The following VAV2 variants were observed in gnomAD, a reference collection of about 807,000 sequenced individuals.
The protein encoded by VAV2 is vav guanine nucleotide exchange factor 2, also known as guanine nucleotide exchange factor VAV2.
In VAV2, 67 loss-of-function variants were observed where a neutral mutation model predicts 132.5. That is an observed-to-expected ratio of 0.51 (90% CI 0.42 to 0.62). VAV2 has a LOEUF of 0.62. Ranked by LOEUF, VAV2 falls within the 20% of genes least tolerant of loss-of-function variation. The pLI, the probability that VAV2 is intolerant of heterozygous loss-of-function variation, is 0.00. For missense variants in VAV2, 938 were observed against 1,153.6 expected (o/e 0.81, Z 2.71); for synonymous variants, 492 against 443.5 (o/e 1.11, Z -1.37).
chr9:133,787,416 G>A (rs1834272044), intron 15 of VAV2, among the ~76,000 whole-genome samples, 156 bp from the exon 16 acceptor site: 1 of 152,202 alleles, frequency 6.6e-6, no homozygotes, highest in African/African-American at 2.4e-5. Context: ...GTGGGGAAAG[G>A]AATTTCTTCC....
At chr9:133,878,521 C>T (rs1838357254) in intron 2 of VAV2, among the ~76,000 whole-genome samples, 2 of 152,166 alleles carry the variant, frequency 1.3e-5, no homozygotes, top group African/African-American at 4.8e-5. Context: ...AACACACTGC[C>T]CACGGCTGCC....
intron 2 of VAV2, among the ~76,000 whole-genome samples, chr9:133,930,508 C>T (rs1366001193): frequency 2.6e-5 from 4 of 152,200 alleles, no homozygotes; most frequent in Non-Finnish European, 5.9e-5. Flanking sequence ...GTCTTCCGTG[C>T]GCCTTCCATA....
chr9:133,791,668 C>T, intron 13 of VAV2, 115 bp downstream of exon 13: 1 of 898,606 alleles, frequency 1.1e-6, no homozygotes, highest in Non-Finnish European at 1.8e-6. Context: ...AGCCTCTCAA[C>T]AGGCAGCCAT....
rs552411790 is a variant in VAV2, at chr9:133,780,007, C to T, written c.1741-68G>A. 1.9e-4 allele frequency: 310 copies of T among 1,598,632 alleles called. 1 individual carries two copies. The highest frequency in any genetic ancestry group is 3.3e-4 in the Middle Eastern group (2 of 6,044). On this transcript the variant is annotated intron_variant, in intron 20 of 29. Transcript: ENST00000371850. ...TCTTTGACTGTGGCCCATGCATCAA[C>T]GCACCCCGCCCTCCCTGTCCCCACT... is the stretch of plus-strand genomic sequence containing the variant.
In VAV2 at chr9:133,806,188, T is replaced by C. The variant is rs369277520; in HGVS notation, c.736-7A>G. On this transcript the variant is annotated splice_region_variant and splice_polypyrimidine_tract_variant and intron_variant, in intron 8 of 29. Coordinates refer to ENST00000371850, the MANE Select transcript of VAV2 (RefSeq NM_001134398.2). ...GATGCACCTTGATCAGGTCCTGGGT[T>C]GAAAACCAGCCGTGAGTGCCTGGCC... is the stretch of plus-strand genomic sequence containing the variant. The C allele has an allele frequency of 2.5e-6, 4 of 1,609,802 alleles. No individual in the cohort carries two copies. The highest frequency in any genetic ancestry group is 3.4e-6 in the Non-Finnish European group (4 of 1,178,866).
chr9:133,810,965 A>C (rs1254152074), intron 5 of VAV2, among the ~76,000 whole-genome samples: 1 of 152,202 alleles, frequency 6.6e-6, no homozygotes, highest in Non-Finnish European at 1.5e-5. Context: ...TCCCAAGTCC[A>C]GACGGCTCGC....
At chr9:133,949,803 T>C (rs890003192) in intron 1 of VAV2, among the ~76,000 whole-genome samples, 2 of 152,192 alleles carry the variant, frequency 1.3e-5, no homozygotes, top group Admixed American at 6.5e-5. Flanking sequence ...CAAAAAGGGA[T>C]GGGGCAAGGT....
rs1204099116 is a variant in VAV2, at chr9:133,969,962, C to A, written c.204+22113G>T. Among the ~76,000 whole-genome samples, 1 of 152,080 alleles carries A rather than the reference C, an allele frequency of 6.6e-6. No individual in the cohort carries two copies. The highest frequency in any genetic ancestry group is 1.5e-5 in the Non-Finnish European group (1 of 67,984). ...CACACCCAGGATGAAGCCGGCCCTG[C>A]CTCCCTGCAGCCTTCAAGGCAGTGA... On this transcript the variant is annotated intron_variant, in intron 1 of 29. Coordinates refer to ENST00000371850, the MANE Select transcript of VAV2 (RefSeq NM_001134398.2). The surrounding 1 kb of genome is among the most constrained non-coding windows in gnomAD (Gnocchi z 5.1).
chr9:133,897,219 G>A (rs995915203), intron 2 of VAV2, among the ~76,000 whole-genome samples: 8 of 152,194 alleles, frequency 5.3e-5, no homozygotes, highest in African/African-American at 1.9e-4. Context: ...TGACACTCGG[G>A]AAGAAAGCCG....
At chr9:133,793,928 T>A (rs1443674163) in intron 12 of VAV2, among the ~76,000 whole-genome samples, 1 of 152,064 alleles carries the variant, frequency 6.6e-6, no homozygotes, top group Non-Finnish European at 1.5e-5. Context: ...ATCAAAAGAC[T>A]TCTAAAATCC....
intron 4 of VAV2, among the ~76,000 whole-genome samples, chr9:133,829,801 C>T (rs1479542501): frequency 1.3e-5 from 2 of 152,142 alleles, no homozygotes; most frequent in Non-Finnish European, 2.9e-5. Context: ...CTATAAAATA[C>T]ATTCTTATGA....
In VAV2 at chr9:133,809,079, G is replaced by A. The variant is rs748438386; in HGVS notation, c.627C>T (p.Thr209=). The change falls in exon 7 of 30, where the codon ACC becomes ACT. Residue 209 remains threonine (T), a synonymous_variant. Coordinates refer to ENST00000371850, the MANE Select transcript of VAV2 (RefSeq NM_001134398.2). ...RNCCLLEIQE[T]EAKYYRTLED... is the part of the protein sequence containing the mutation. ...CCAGGGTGCGGTAGTACTTGGCCTC[G>A]GTCTCCTGGATCTCCAGCAGGCAGC... The A allele has an allele frequency of 9.3e-6, 15 of 1,613,814 alleles. No homozygotes were observed. Among genetic ancestry groups the A allele is most frequent in the Middle Eastern group, 1.6e-4 (1 of 6,080 alleles).
chr9:133,911,092 C>T (rs968065628), intron 2 of VAV2, among the ~76,000 whole-genome samples: 9 of 152,180 alleles, frequency 5.9e-5, no homozygotes, highest in Non-Finnish European at 1.0e-4. Flanking sequence ...CACGCCCCTT[C>T]TTGGGAGCAC....
At chr9:133,927,698 C>G (rs1328292875) in intron 2 of VAV2, 4 of 152,426 alleles carry the variant, frequency 2.6e-5, no homozygotes, top group Non-Finnish European at 5.9e-5. Flanking sequence ...TCCTTCACCC[C>G]TCAGCCTTCT....
intron 2 of VAV2, among the ~76,000 whole-genome samples, chr9:133,874,974 A>G (rs368388817): frequency 3.9e-5 from 6 of 152,166 alleles, no homozygotes; most frequent in African/African-American, 1.4e-4. Context: ...GGGTCTAGAA[A>G]TGGGTGCGTC....
rs535407951 is a variant in VAV2, at chr9:133,900,505, A to G, written c.321+38598T>C. Among the ~76,000 whole-genome samples, 10 of 149,670 alleles carry G rather than the reference A, an allele frequency of 6.7e-5. No individual in the cohort carries two copies. The South Asian group carries it at 2.2e-3, about 32-fold the overall frequency. Reference sequence around the variant, plus strand: ...TCTGTATAAAAACTGGCCATAAAGAAATTCCCTGACCTACCTTGTTTGACT... The same window carrying G: ...TCTGTATAAAAACTGGCCATAAAGAGATTCCCTGACCTACCTTGTTTGACT... On this transcript the variant is annotated intron_variant, in intron 2 of 29. Coordinates refer to ENST00000371850, the MANE Select transcript of VAV2 (RefSeq NM_001134398.2).
At chr9:133,953,653 G>A (rs1482315203) in intron 1 of VAV2, among the ~76,000 whole-genome samples, 1 of 152,172 alleles carries the variant, frequency 6.6e-6, no homozygotes, top group Non-Finnish European at 1.5e-5. Flanking sequence ...TGACCACCAT[G>A]GGGCCCAGCT....
intron 27 of VAV2, among the ~76,000 whole-genome samples, chr9:133,770,005 G>A (rs192765371): frequency 6.6e-6 from 1 of 152,226 alleles, no homozygotes; most frequent in East Asian, 1.9e-4. Flanking sequence ...GCCTCTCACA[G>A]AGGAGGCCCA....
intron 7 of VAV2, among the ~76,000 whole-genome samples, chr9:133,808,032 G>A (rs1268051398): frequency 6.7e-6 from 1 of 149,780 alleles, no homozygotes; most frequent in Non-Finnish European, 1.5e-5. Context: ...CATCGCCCAA[G>A]CAAACACGCC....
Sources: allele counts gnomAD v4.1 joint callset (sites outside exome capture counted in the v4.1 genomes callset), GRCh38; gene constraint gnomAD v4.1.1; non-coding constraint Gnocchi (gnomAD v3.1); transcripts MANE v1.5; gene names NCBI Gene and HGNC (gene_info 2026-07-23, HGNC 2026-07-21).